GAGE13: variants seen among roughly 807,000 people sequenced by gnomAD.
The protein encoded by GAGE13 is G antigen 13.
At chrX:49,332,342 C>T (rs2066467238) in intron 1 of GAGE13, among the ~76,000 whole-genome samples, 2 of 98,615 alleles carry the variant, frequency 2.0e-5, no homozygotes, top group East Asian at 6.7e-4. Context: ...GTCTGCGGGG[C>T]GCAGTGGCGC....
rs1240012370 is a variant in GAGE13 at position 49,337,694 on chromosome X, T to C, written c.332-1142T>C. ...TATTTATTTATTTATTGTTATACTT[T>C]AAGTTTTAGGGTACATGTGCACGTT... is the stretch of plus-strand genomic sequence containing the variant. On this transcript the variant is annotated intron_variant, in intron 4 of 4. Transcript: ENST00000612958. Among the ~76,000 whole-genome samples, 17 of 62,652 alleles carry C rather than the reference T, an allele frequency of 2.7e-4. 4 individuals carry two copies. Among genetic ancestry groups the C allele is most frequent in the Non-Finnish European group, 4.7e-4 (13 of 27,426 alleles). The allele number at this position is 62,652 out of a possible 115,157, so 54.4% of individuals were successfully genotyped here.
rs2066473903 is a variant in GAGE13 at position 49,333,318 on chromosome X, C to A, written c.116C>A (p.Ala39Glu). 1 of 904,413 alleles carries A rather than the reference C, an allele frequency of 1.1e-6. No homozygotes were observed. Among genetic ancestry groups the A allele is most frequent in the East Asian group, 3.1e-5 (1 of 32,205 alleles). The allele number at this position is 904,413 out of a possible 1,213,427, so 74.5% of individuals were successfully genotyped here. A position where few individuals can be genotyped will look rare whatever the true frequency, so the allele number is the denominator to read the frequency against. Residue 39 changes from alanine (A) to glutamate (E), a missense_variant, in exon 3 of 5, where the codon GCA becomes GAA. Coordinates refer to ENST00000612958, the MANE Select transcript of GAGE13 (RefSeq NM_001098412.4). ...PEQFSDEVEPATPEEGEPATQ... is the reference protein window; with the variant it reads ...PEQFSDEVEPETPEEGEPATQ... Reference sequence around the variant, plus strand: ...CAGTTCAGTGATGAAGTGGAACCAGCAACACCTGAAGAAGGGGAACCAGCA... The same window carrying A: ...CAGTTCAGTGATGAAGTGGAACCAGAAACACCTGAAGAAGGGGAACCAGCA...
intron 1 of GAGE13, among the ~76,000 whole-genome samples, chrX:49,332,083 C>T (rs1187802450): frequency 2.5e-3 from 193 of 77,103 alleles, no homozygotes; most frequent in African/African-American, 6.4e-3. Flanking sequence ...TGAGCGCCCC[C>T]GCAGCGGTGT....
intron 1 of GAGE13, among the ~76,000 whole-genome samples, chrX:49,331,981 C>T (rs6609898): frequency 1.5e-4 from 12 of 80,313 alleles, no homozygotes; most frequent in South Asian, 6.5e-4. Context: ...GAACCCCCGA[C>T]GACACAGGGC....
intron 3 of GAGE13, among the ~76,000 whole-genome samples, chrX:49,335,400 T>TA (rs1345785842): frequency 6.4e-5 from 7 of 109,434 alleles, no homozygotes; most frequent in South Asian, 7.7e-4. Flanking sequence ...TCTTTTTTCC[T>TA]TTTTTTTTTC....
intron 4 of GAGE13, chrX:49,338,542 C>CTGAA (rs2066493239): frequency 1.2e-5 from 1 of 86,933 alleles, no homozygotes; most frequent in Non-Finnish European, 2.3e-5. Flanking sequence ...GAGTAATCAA[C>CTGAA]TGAAGTATGC....
At chrX:49,335,116 C>G (rs1341972125) in intron 3 of GAGE13, among the ~76,000 whole-genome samples, 1 of 59,343 alleles carries the variant, frequency 1.7e-5, no homozygotes, top group Non-Finnish European at 3.6e-5. Flanking sequence ...CCCTCCGTCT[C>G]TTACCGTGCT....
intron 2 of GAGE13, among the ~76,000 whole-genome samples, chrX:49,333,048 A>G (rs1187481014): frequency 1.4e-4 from 11 of 79,433 alleles, no homozygotes; most frequent in African/African-American, 3.7e-4. Flanking sequence ...TTAATGACAG[A>G]TTGTACACAT....
At chrX:49,331,936 G>A (rs2066464908) in intron 1 of GAGE13, among the ~76,000 whole-genome samples, 1 of 80,475 alleles carries the variant, frequency 1.2e-5, no homozygotes, top group Non-Finnish European at 3.2e-5. Context: ...GACGGGGTGA[G>A]TGCTGTTGGG....
chrX:49,331,960 C>T (rs1438591498), intron 1 of GAGE13, among the ~76,000 whole-genome samples: 1 of 80,518 alleles, frequency 1.2e-5, no homozygotes, highest in East Asian at 3.5e-4. Context: ...ATGGAAGTCC[C>T]GAGGTGCCGG....
At chrX:49,331,893 C>T (rs1843243311) in intron 1 of GAGE13, among the ~76,000 whole-genome samples, 1 of 79,129 alleles carries the variant, frequency 1.3e-5, no homozygotes, top group Non-Finnish European at 3.3e-5. Context: ...GAAGGTGGGC[C>T]GTGGAGGGGA....
intron 1 of GAGE13, among the ~76,000 whole-genome samples, 187 bp downstream of exon 1, chrX:49,331,876 C>A (rs1413967206): frequency 1.3e-5 from 1 of 77,469 alleles, no homozygotes; most frequent in African/African-American, 3.4e-5. Context: ...GGGGCCTGGA[C>A]GGGGAGGAAG....
Position 49,337,650 on chromosome X carries a change from TTTTA to T in GAGE13, c.332-1155_332-1152del, listed in dbSNP as rs1328822471. 5.6e-3 allele frequency among the ~76,000 whole-genome samples: 325 copies of T among 58,551 alleles called. 16 individuals are homozygous for T. Among genetic ancestry groups the T allele is most frequent in the African/African-American group, 0.013 (235 of 18,701 alleles). 50.8% of individuals were successfully genotyped at this position (58,551 alleles called of 115,157 possible). A position where few individuals can be genotyped will look rare whatever the true frequency, so the allele number is the denominator to read the frequency against. On this transcript the variant is annotated intron_variant, in intron 4 of 4. Coordinates refer to ENST00000612958, the MANE Select transcript of GAGE13 (RefSeq NM_001098412.4). ...AATGAACAATTGCTTCTTTTTTTTC[TTTTA>T]TTTATTTATTTATTTATTTATTTAT...
chrX:49,337,720 G>T (rs1452525184), intron 4 of GAGE13, among the ~76,000 whole-genome samples: 1 of 60,434 alleles, frequency 1.7e-5, no homozygotes, highest in African/African-American at 5.3e-5. Context: ...TGTGCACGTT[G>T]TGCAGGTTAG....
Position 49,337,698 on chromosome X carries a change from T to C in GAGE13, c.332-1138T>C, listed in dbSNP as rs2066488939. ...TATTTATTTATTGTTATACTTTAAGTTTTAGGGTACATGTGCACGTTGTGC... is the reference window on the plus strand; with the variant it reads ...TATTTATTTATTGTTATACTTTAAGCTTTAGGGTACATGTGCACGTTGTGC... On this transcript the variant is annotated intron_variant, in intron 4 of 4. Coordinates refer to ENST00000612958, the MANE Select transcript of GAGE13 (RefSeq NM_001098412.4). 6.4e-5 allele frequency among the ~76,000 whole-genome samples: 4 copies of C among 62,973 alleles called. 1 individual carries two copies. The highest frequency in any genetic ancestry group is 1.5e-4 in the African/African-American group (3 of 20,400). 54.7% of individuals were successfully genotyped at this position (62,973 alleles called of 115,157 possible).
intron 3 of GAGE13, among the ~76,000 whole-genome samples, chrX:49,335,202 G>C (rs1384171160): frequency 1.9e-5 from 2 of 107,329 alleles, no homozygotes; most frequent in African/African-American, 3.4e-5. Context: ...GAATTGTCTC[G>C]ATAAAGTTTC....
At chrX:49,335,074 A>G (rs1220423786) in intron 3 of GAGE13, among the ~76,000 whole-genome samples, 5 of 100,420 alleles carry the variant, frequency 5.0e-5, no homozygotes, top group African/African-American at 6.9e-5. Flanking sequence ...CCAATTGTTA[A>G]TAGCTTTCGC....
intron 1 of GAGE13, among the ~76,000 whole-genome samples, chrX:49,332,187 G>A (rs1427952152): frequency 2.5e-5 from 2 of 80,752 alleles, no homozygotes; most frequent in Admixed American, 1.3e-4. Flanking sequence ...GAGGCAGTGC[G>A]GTCCAACCAA....
chrX:49,337,650 TTTTATTTATTTA>T (rs1328822471), intron 4 of GAGE13, among the ~76,000 whole-genome samples: 1 of 58,903 alleles, frequency 1.7e-5, no homozygotes, highest in Non-Finnish European at 3.9e-5. Flanking sequence ...CTTTTTTTTC[TTTTATTTATTTA>T]TTTATTTATT....
Sources: gnomAD v4.1 joint callset for allele counts (sites outside exome capture counted in the v4.1 genomes callset) on GRCh38, gnomAD v4.1.1 for gene constraint, MANE v1.5 for transcripts, NCBI Gene and HGNC (gene_info 2026-07-23, HGNC 2026-07-21) for gene names.